Variants in PIEZO1 observed in about 807,000 individuals in gnomAD.
PIEZO1 encodes the protein piezo-type mechanosensitive ion channel component 1.
PIEZO1 carries 296 observed loss-of-function variants against 297.2 expected under a neutral mutation model. The observed-to-expected ratio is 1.00, with a 90% confidence interval of 0.91 to 1.10. PIEZO1 has a LOEUF of 1.10. Among genes scored for constraint, PIEZO1 ranks in the 50% least tolerant of loss-of-function variants. PIEZO1 has a pLI of 0.00. For missense variants in PIEZO1, 5,018 were observed against 3,455.5 expected (o/e 1.45, Z -11.34); for synonymous variants, 2,427 against 1,507.5 (o/e 1.61, Z -14.13).
At chr16:88,772,172 G>C (rs180896501) in intron 1 of PIEZO1, among the ~76,000 whole-genome samples, 1 of 152,324 alleles carries the variant, frequency 6.6e-6, no homozygotes, top group East Asian at 1.9e-4. Context: ...GGGCATGGCT[G>C]TCAGAATGAC....
intron 1 of PIEZO1, among the ~76,000 whole-genome samples, chr16:88,780,865 G>A (rs919162246): frequency 6.6e-6 from 1 of 152,232 alleles, no homozygotes; most frequent in African/African-American, 2.4e-5. Context: ...GCTGAGGCAG[G>A]AGGATGGCTT....
Position 88,731,651 on chromosome 16 carries a change from A to G in PIEZO1, c.3196+55T>C, listed in dbSNP as rs535516669. ...TCTGGGGCAGGCGGGAAACACCCCC[A>G]CGGGCATCCACAAAGCCACAAAGCC... On this transcript the variant is annotated intron_variant, in intron 22 of 50. Transcript: ENST00000301015. 4,272 of 1,399,146 alleles carry G rather than the reference A, an allele frequency of 3.1e-3. 9 individuals are homozygous for G. The highest frequency in any genetic ancestry group is 3.6e-3 in the Non-Finnish European group (3,652 of 1,014,276). The allele number at this position is 1,399,146 out of a possible 1,614,324, so 86.7% of individuals were successfully genotyped here.
Position 88,738,115 on chromosome 16 carries a change from G to A in PIEZO1, c.849-10C>T, listed in dbSNP as rs190903475. 1,768 of 1,535,832 alleles carry A rather than the reference G, an allele frequency of 1.2e-3. 2 individuals are homozygous for A. The highest frequency in any genetic ancestry group is 1.3e-3 in the Non-Finnish European group (1,479 of 1,146,834). On this transcript the variant is annotated splice_polypyrimidine_tract_variant and intron_variant, in intron 7 of 50. Coordinates refer to ENST00000301015, the MANE Select transcript of PIEZO1 (RefSeq NM_001142864.4). ...CTTGAGACCCAGCACCCTGTCCAGA[G>A]AAGACCCGTCACAGCCTACCACCCC...
At chr16:88,772,324 C>A (rs1256530244) in intron 1 of PIEZO1, among the ~76,000 whole-genome samples, 1 of 152,240 alleles carries the variant, frequency 6.6e-6, no homozygotes, top group Non-Finnish European at 1.5e-5. Context: ...GACAGGTAAG[C>A]AGGCTCTTGT....
In PIEZO1 at chr16:88,727,407, CGT is replaced by C. The variant is rs1358621336; in HGVS notation, c.3301+148_3301+149del. 45 of 648,636 alleles carry C rather than the reference CGT, an allele frequency of 6.9e-5. No homozygotes were observed. The African/African-American group carries it at 7.5e-4, about 11-fold the overall frequency. 40.2% of individuals were successfully genotyped at this position (648,636 alleles called of 1,614,324 possible). ...GTGCACACAGGCTGAGGTCTGCGTG[CGT>C]GCGTGCGAGGTCAGGGCCTGCAGGC... On this transcript the variant is annotated intron_variant, in intron 23 of 50. Coordinates refer to ENST00000301015, the MANE Select transcript of PIEZO1 (RefSeq NM_001142864.4).
At chr16:88,755,748 T>A (rs4782510) in intron 1 of PIEZO1, among the ~76,000 whole-genome samples, 14 of 152,150 alleles carry the variant, frequency 9.2e-5, no homozygotes, top group African/African-American at 2.7e-4. Flanking sequence ...GAAGGCACCA[T>A]GAGAGGCCGG....
At chr16:88,757,861 C>A (rs924626113) in intron 1 of PIEZO1, among the ~76,000 whole-genome samples, 6 of 152,156 alleles carry the variant, frequency 3.9e-5, no homozygotes, top group Admixed American at 2.6e-4. Context: ...CCCCCAGCAG[C>A]CTCAGCTCCA....
chr16:88,722,936 A>T lies in PIEZO1; in HGVS notation c.4569T>A (p.Asp1523Glu). 6.5e-7 allele frequency: 1 copy of T among 1,544,290 alleles called. No individual in the cohort carries two copies. The highest frequency in any genetic ancestry group is 2.4e-5 in the East Asian group (1 of 40,892). ...ACTCCTGCAGCCAGCGTGTCAGCTC[A>T]TCCACTAGCGCCTGCCCCAGCATCC... The part of the protein sequence containing the change: ...FLWMLGQALV[D>E]ELTRWLQEFT... The change falls in exon 34 of 51, where the codon GAT (aspartate) becomes GAA (glutamate). Residue 1523 changes from aspartate (D) to glutamate (E), a missense_variant. Asp to Glu is a conservative substitution (Grantham distance 45). Coordinates refer to ENST00000301015, the MANE Select transcript of PIEZO1 (RefSeq NM_001142864.4).
chr16:88,761,689 ATCCCCCACATCGGGGCCTGGGTGGCCCT>A (rs1302797884), intron 1 of PIEZO1, among the ~76,000 whole-genome samples: 1 of 151,952 alleles, frequency 6.6e-6, no homozygotes, highest in East Asian at 1.9e-4. Context: ...CGCGTGAGAC[ATCCCCCACATCGGGGCCTGGGTGGCCCT>A]TCCCCCACTT....
In PIEZO1 at chr16:88,716,817, C is replaced by G; in HGVS notation, c.6742G>C (p.Asp2248His). 1 of 1,550,072 alleles carries G rather than the reference C, an allele frequency of 6.5e-7. No homozygotes were observed. ...CAGAGGCCACTTACCGGCTGGGGGT[C>G]AAACTGCCGGGACAGCTCCTCATAG... Reference protein sequence around the residue: ...QAYEELSRQFDPQPLAMQFIS... With the variant: ...QAYEELSRQFHPQPLAMQFIS... Residue 2248 changes from aspartate (D) to histidine (H), a missense_variant, in exon 46 of 51, where the codon GAC (aspartate) becomes CAC (histidine). Coordinates refer to ENST00000301015, the MANE Select transcript of PIEZO1 (RefSeq NM_001142864.4).
intron 10 of PIEZO1, 145 bp downstream of exon 10, chr16:88,737,406 GACACCGAC>G: frequency 1.7e-6 from 1 of 594,954 alleles, no homozygotes; most frequent in Non-Finnish European, 2.9e-6. Flanking sequence ...GGGGGTCACT[GACACCGAC>G]CCGTGGATGT....
chr16:88,732,395 C>T lies in PIEZO1; in HGVS notation c.2931G>A (p.Gln977=). The change falls in exon 21 of 51, where the codon CAG becomes CAA. Residue 977 remains glutamine, a synonymous_variant. Coordinates refer to ENST00000301015, the MANE Select transcript of PIEZO1 (RefSeq NM_001142864.4). ...FASGTRQQLD[Q]DLLGCLKYFI... is the part of the protein sequence containing the mutation. ...AGTACTTGAGGCAGCCGAGCAGATC[C>T]TGGTCCAGCTGCTGGCGGGTGCCGC... is the stretch of plus-strand genomic sequence containing the variant. 1 of 1,549,828 alleles carries T rather than the reference C, an allele frequency of 6.5e-7. No individual in the cohort carries two copies. Among genetic ancestry groups the T allele is most frequent in the Non-Finnish European group, 8.7e-7 (1 of 1,146,572 alleles).
rs768440126 is a variant in PIEZO1, at chr16:88,716,735, G to A, written c.6754-4C>T. 3 of 1,547,946 alleles carry A rather than the reference G, an allele frequency of 1.9e-6. No individual in the cohort carries two copies. The highest frequency in any genetic ancestry group is 1.4e-5 in the African/African-American group (1 of 73,060). ...GGCTGATGAACTGCATGGCCAGCTG[G>A]GTACAAGTGACACCCTCAGTGACTG... On this transcript the variant is annotated splice_region_variant and splice_polypyrimidine_tract_variant and intron_variant, in intron 46 of 50. Coordinates refer to ENST00000301015, the MANE Select transcript of PIEZO1 (RefSeq NM_001142864.4).
chr16:88,773,406 G>C (rs1177161205), intron 1 of PIEZO1, among the ~76,000 whole-genome samples: 4 of 152,268 alleles, frequency 2.6e-5, no homozygotes, highest in African/African-American at 4.8e-5. Flanking sequence ...AGGTGGCTGG[G>C]GGCCGAGGGT....
At chr16:88,752,441 T>C (rs919078365) in intron 1 of PIEZO1, among the ~76,000 whole-genome samples, 13 of 152,200 alleles carry the variant, frequency 8.5e-5, no homozygotes, top group Non-Finnish European at 1.0e-4. Flanking sequence ...ATGATCACGC[T>C]GCCGCACTCC....
At position 88,726,552 on chromosome 16, in the gene PIEZO1, T is replaced by C. The variant is rs936145183; in HGVS notation, c.3791A>G (p.Tyr1264Cys). The change falls in exon 26 of 51, where the codon TAT becomes TGT. Residue 1264 changes from tyrosine to cysteine, a missense_variant. By Grantham distance (194) the Tyr-to-Cys change is radical. Coordinates refer to ENST00000301015, the MANE Select transcript of PIEZO1 (RefSeq NM_001142864.4). ...FSLVCTVKGY[Y>C]DPKEMMDRDQ... is the part of the protein sequence containing the mutation. ...CCACCGTCCTGGCCACTCACGGTCA[T>C]AGTAGCCCTTGACGGTGCATACAAG... is the stretch of plus-strand genomic sequence containing the variant. 9 of 1,549,792 alleles carry C rather than the reference T, an allele frequency of 5.8e-6. No homozygotes were observed. In the South Asian group the frequency reaches 5.9e-5, roughly 10 times the overall value.
At chr16:88,735,389 C>T in intron 12 of PIEZO1, 143 bp from the exon 13 acceptor site, 1 of 649,084 alleles carries the variant, frequency 1.5e-6, no homozygotes, top group South Asian at 1.8e-5. Flanking sequence ...TCCCCACAGG[C>T]ACCGAACACC....
In PIEZO1 at chr16:88,732,290, G is replaced by A. The variant is rs374366679; in HGVS notation, c.2991+45C>T. 5.5e-4 allele frequency: 832 copies of A among 1,504,774 alleles called. 1 individual carries two copies. In the African/African-American group the frequency reaches 5.7e-3, roughly 10 times the overall value. The allele number at this position is 1,504,774 out of a possible 1,614,324, so 93.2% of individuals were successfully genotyped here. A position where few individuals can be genotyped will look rare whatever the true frequency, so the allele number is the denominator to read the frequency against. On this transcript the variant is annotated intron_variant, in intron 21 of 50. Transcript: ENST00000301015. Reference sequence around the variant, plus strand: ...CACGGTGCAGCCGTCCCTCCCTCCCGAAGGCCAAGCCCTGCCCCAGGGGGA... The same window carrying A: ...CACGGTGCAGCCGTCCCTCCCTCCCAAAGGCCAAGCCCTGCCCCAGGGGGA...
intron 1 of PIEZO1, among the ~76,000 whole-genome samples, chr16:88,755,196 C>T (rs1057294898): frequency 1.3e-5 from 2 of 152,198 alleles, no homozygotes; most frequent in Non-Finnish European, 2.9e-5. Flanking sequence ...TGGGATGCGG[C>T]GAACAGCCGC....
Sources: allele counts gnomAD v4.1 joint callset (sites outside exome capture counted in the v4.1 genomes callset), GRCh38; gene constraint gnomAD v4.1.1; transcripts MANE v1.5; gene names NCBI Gene and HGNC (gene_info 2026-07-23, HGNC 2026-07-21).